Variants in ZNF514 observed in about 807,000 individuals in gnomAD.
ZNF514 encodes the protein zinc finger protein 514.
ZNF514 carries 12 observed loss-of-function variants against 9.7 expected under a neutral mutation model. That is an observed-to-expected ratio of 1.24 (90% CI 0.79 to 2.01). ZNF514 has a LOEUF of 2.01. Among genes scored for constraint, ZNF514 ranks in the 30% most tolerant of loss-of-function variants. The pLI is 0.00. For missense variants in ZNF514, 467 were observed against 465.5 expected (o/e 1.00, Z -0.03); for synonymous variants, 158 against 163.7 (o/e 0.97, Z 0.27).
rs1673430092 is a variant in ZNF514, at chr2:95,148,613, A to G, written c.*669T>C. On this transcript the variant is annotated 3_prime_UTR_variant, in exon 5 of 5. Transcript: ENST00000295208. The stretch of plus-strand genomic sequence containing the variant: ...ACGTGTTTTGGTGGAACATCCACCA[A>G]AGCCCTTCCCACATTCATCACGTCA... 1 of 152,260 alleles carries G rather than the reference A, an allele frequency of 6.6e-6. No individual in the cohort carries two copies. Among genetic ancestry groups the G allele is most frequent in the Non-Finnish European group, 1.5e-5 (1 of 68,060 alleles). 9.4% of individuals were successfully genotyped at this position (152,260 alleles called of 1,614,324 possible).
the ZNF514 span, among the ~76,000 whole-genome samples, chr2:95,134,818 G>A: frequency 6.6e-6 from 1 of 152,162 alleles, no homozygotes; most frequent in East Asian, 1.9e-4. Flanking sequence ...TGGCTGTACA[G>A]GTGTCCCAGC....
chr2:95,130,649 G>C, the ZNF514 span, among the ~76,000 whole-genome samples: 3 of 152,216 alleles, frequency 2.0e-5, no homozygotes, highest in Non-Finnish European at 4.4e-5. Flanking sequence ...TGAAAGAAGG[G>C]AAATATAGCT....
At chr2:95,127,793 G>A in the ZNF514 span, among the ~76,000 whole-genome samples, 1 of 152,094 alleles carries the variant, frequency 6.6e-6, no homozygotes, top group Non-Finnish European at 1.5e-5. Flanking sequence ...ATTTTTAGTA[G>A]AGACAGGATT....
intron 1 of ZNF514, among the ~76,000 whole-genome samples, 161 bp from the exon 2 acceptor site, chr2:95,157,600 A>C (rs1426489717): frequency 6.6e-6 from 1 of 152,140 alleles, no homozygotes; most frequent in African/African-American, 2.4e-5. Flanking sequence ...CTAGCCTTCA[A>C]ACATTGAGAG....
chr2:95,149,824 G>A lies in ZNF514; in HGVS notation c.661C>T (p.Arg221Cys), dbSNP rs148267191. 151 of 1,614,012 alleles carry A rather than the reference G, an allele frequency of 9.4e-5. No homozygotes were observed. Among genetic ancestry groups the A allele is most frequent in the Admixed American group, 1.2e-4 (7 of 60,006 alleles). The stretch of plus-strand genomic sequence containing the variant: ...TCTCCAGTGTGACATCGCTGATGGC[G>A]CCTAAGTTCTGACTGGAAGTGAAAG... ...KSFHFQSELR[R>C]HQRCHTGEKP... Residue 221 changes from arginine to cysteine, a missense_variant, in exon 5 of 5, where the codon CGC (arginine) becomes TGC (cysteine). Physicochemically the swap from Arg to Cys is radical, Grantham distance 180 (BLOSUM62 -3). Coordinates refer to ENST00000295208, the MANE Select transcript of ZNF514 (RefSeq NM_032788.3).
Position 95,149,893 on chromosome 2 carries a change from G to A in ZNF514, c.592C>T (p.His198Tyr). 1 of 1,614,204 alleles carries A rather than the reference G, an allele frequency of 6.2e-7. No homozygotes were observed. Among genetic ancestry groups the A allele is most frequent in the Non-Finnish European group, 8.5e-7 (1 of 1,180,034 alleles). ...CATTTACAAGATTTCTTTTCTGGGT[G>A]GGTTCTCTGAGAGTTGTTTCCCCCT... ...TLGGNNSQRT[H>Y]PEKKSCKCNE... The change falls in exon 5 of 5, where the codon CAC becomes TAC. Residue 198 changes from histidine to tyrosine, a missense_variant. Physicochemically the swap from His to Tyr is moderately conservative, Grantham distance 83 (BLOSUM62 2). Coordinates refer to ENST00000295208, the MANE Select transcript of ZNF514 (RefSeq NM_032788.3).
At chr2:95,136,839 C>T in the ZNF514 span, among the ~76,000 whole-genome samples, 31 of 152,166 alleles carry the variant, frequency 2.0e-4, no homozygotes, top group Non-Finnish European at 7.3e-5. Context: ...AGTCCCCTAT[C>T]TGAGGTAAAA....
At chr2:95,123,502 A>T in the ZNF514 span, among the ~76,000 whole-genome samples, 1 of 152,226 alleles carries the variant, frequency 6.6e-6, no homozygotes, top group Non-Finnish European at 1.5e-5. Context: ...GTGGGATTGC[A>T]GTACTGCAGC....
chr2:95,130,320 G>C, the ZNF514 span, among the ~76,000 whole-genome samples: 1 of 152,172 alleles, frequency 6.6e-6, no homozygotes, highest in African/African-American at 2.4e-5. Context: ...CAGGACCACA[G>C]GACCACAGGA....
the ZNF514 span, among the ~76,000 whole-genome samples, chr2:95,138,300 G>A: frequency 2.6e-5 from 4 of 152,180 alleles, no homozygotes; most frequent in East Asian, 5.8e-4. Flanking sequence ...AGGGCTCAGA[G>A]GCAGACAAGA....
rs1053234447 is a variant in ZNF514, at chr2:95,148,023, T to A, written c.*1259A>T. The stretch of plus-strand genomic sequence containing the variant: ...ATTAGCATAAAGATGTAACAAAAAT[T>A]GCTTTTTGCTCAATCCTAGACCACT... On this transcript the variant is annotated 3_prime_UTR_variant, in exon 5 of 5. Transcript: ENST00000295208. 28 of 152,206 alleles carry A rather than the reference T, an allele frequency of 1.8e-4. No individual in the cohort carries two copies. The highest frequency in any genetic ancestry group is 6.5e-4 in the African/African-American group (27 of 41,442). The allele number at this position is 152,206 out of a possible 1,614,324, so 9.4% of individuals were successfully genotyped here. A position where few individuals can be genotyped will look rare whatever the true frequency, so the allele number is the denominator to read the frequency against.
rs1345668258 is a variant in ZNF514 at position 95,149,916 on chromosome 2, C to A, written c.569G>T (p.Gly190Val). The A allele has an allele frequency of 6.2e-7, 1 of 1,614,130 alleles. No homozygotes were observed. The highest frequency in any genetic ancestry group is 8.5e-7 in the Non-Finnish European group (1 of 1,180,028). ...KCDTEFRQTLGGNNSQRTHPE... is the reference protein window; with the variant it reads ...KCDTEFRQTLVGNNSQRTHPE... ...GTGGGTTCTCTGAGAGTTGTTTCCC[C>A]CTAAAGTCTGCCTGAATTCTGTATC... Residue 190 changes from glycine (G) to valine (V), a missense_variant, in exon 5 of 5, where the codon GGG (glycine) becomes GTG (valine). Physicochemically the swap from Gly to Val is moderately radical, Grantham distance 109. Transcript: ENST00000295208.
chr2:95,159,704 G>GCCCCCGCGTCCGCCCCGCGCCAC lies in ZNF514; in HGVS notation c.-561_-560insGTGGCGCGGGGCGGACGCGGGGG. 7.4e-6 allele frequency: 1 copy of GCCCCCGCGTCCGCCCCGCGCCAC among 134,946 alleles called. No individual in the cohort carries two copies. The highest frequency in any genetic ancestry group is 7.3e-5 in the Admixed American group (1 of 13,650). 8.4% of individuals were successfully genotyped at this position (134,946 alleles called of 1,614,324 possible). On this transcript the variant is annotated 5_prime_UTR_variant, in exon 1 of 5. Coordinates refer to ENST00000295208, the MANE Select transcript of ZNF514 (RefSeq NM_032788.3). ...CAGCCCCCGCGTCCGCCCCGCGCCAGCCCCCGCGTCCGCCCCGCGCCAGCC... is the reference window on the plus strand; with the variant it reads ...CAGCCCCCGCGTCCGCCCCGCGCCAGCCCCCGCGTCCGCCCCGCGCCACCCCCCGCGTCCGCCCCGCGCCAGCC...
At position 95,153,261 on chromosome 2, in the gene ZNF514, T is replaced by C. The variant is rs1350028911; in HGVS notation, c.-6-2A>G. 1 of 1,613,432 alleles carries C rather than the reference T, an allele frequency of 6.2e-7. No individual in the cohort carries two copies. Among genetic ancestry groups the C allele is most frequent in the African/African-American group, 1.3e-5 (1 of 75,014 alleles). ...CACATCTTCAAATGTCATCAGGTCC[T>C]GAAACACAGAAGACACTCCAGTGTC... On this transcript the variant is annotated splice_acceptor_variant, in intron 2 of 4. Coordinates refer to ENST00000295208, the MANE Select transcript of ZNF514 (RefSeq NM_032788.3). LOFTEE classifies it low-confidence loss of function (5UTR_SPLICE).
the ZNF514 span, among the ~76,000 whole-genome samples, chr2:95,123,780 C>T: frequency 6.6e-6 from 1 of 152,222 alleles, no homozygotes; most frequent in Non-Finnish European, 1.5e-5. Context: ...TGATGAGCAG[C>T]TTAAACTGCA....
chr2:95,153,294 A>C lies in ZNF514; in HGVS notation c.-6-35T>G, dbSNP rs772472462. 1.9e-6 allele frequency: 3 copies of C among 1,590,550 alleles called. No homozygotes were observed. In the African/African-American group the frequency reaches 4.0e-5, roughly 21 times the overall value. ...AGAAGACACTCCAGTGTCCACTTATATGCTTATCAATATGAAACTGCTAGG... is the reference window on the plus strand; with the variant it reads ...AGAAGACACTCCAGTGTCCACTTATCTGCTTATCAATATGAAACTGCTAGG... On this transcript the variant is annotated intron_variant, in intron 2 of 4. Transcript: ENST00000295208.
chr2:95,152,736 T>TG lies in ZNF514; in HGVS notation c.154dup (p.Gln52ProfsTer7). On this transcript the variant is annotated frameshift_variant, in exon 4 of 5. Transcript: ENST00000295208. LOFTEE classifies it high-confidence loss of function. ...GAAGGGCTCACCCCCTTCCTCCAAC[T>TG]GGCAGATCACATATGGTTTGGATAC... is the stretch of plus-strand genomic sequence containing the variant. 6.2e-7 allele frequency: 1 copy of TG among 1,614,154 alleles called. No homozygotes were observed. The highest frequency in any genetic ancestry group is 1.3e-5 in the African/African-American group (1 of 75,048).
intron 1 of ZNF514, chr2:95,158,973 G>C (rs1027981937): frequency 2.6e-5 from 34 of 1,288,610 alleles, no homozygotes; most frequent in Non-Finnish European, 3.3e-5. Context: ...ACCTGATGCT[G>C]TGGAGTCCAT....
the ZNF514 span, among the ~76,000 whole-genome samples, chr2:95,124,032 A>G: frequency 1.3e-5 from 2 of 152,188 alleles, no homozygotes; most frequent in African/African-American, 4.8e-5. Flanking sequence ...CATCGGTACA[A>G]TCCATAGATT....
Sources: allele counts gnomAD v4.1 joint callset (sites outside exome capture counted in the v4.1 genomes callset), GRCh38; gene constraint gnomAD v4.1.1; transcripts MANE v1.5; gene names NCBI Gene and HGNC (gene_info 2026-07-23, HGNC 2026-07-21).